The following SGCZ variants were observed in gnomAD, a reference collection of about 807,000 sequenced individuals.
SGCZ encodes the protein sarcoglycan zeta.
SGCZ carries 40 observed loss-of-function variants against 41.3 expected under a neutral mutation model. The ratio of observed to expected loss-of-function variants is 0.97; its 90% CI spans 0.75 to 1.26. SGCZ has a LOEUF of 1.26. Ranked by LOEUF, SGCZ falls within the 50% of genes most tolerant of loss-of-function variation. SGCZ has a pLI of 0.00. For missense variants in SGCZ, 552 were observed against 369.8 expected (o/e 1.49, Z -4.04); for synonymous variants, 206 against 137.5 (o/e 1.50, Z -3.49).
intron 7 of SGCZ, among the ~76,000 whole-genome samples, chr8:14,100,038 C>T (rs1322807647): frequency 6.6e-6 from 1 of 151,990 alleles, no homozygotes; most frequent in Admixed American, 6.6e-5. Context: ...CTTTATATCC[C>T]TCTATATTGT....
chr8:14,868,958 A>G (rs1169566445), intron 1 of SGCZ, among the ~76,000 whole-genome samples: 1 of 152,108 alleles, frequency 6.6e-6, no homozygotes, highest in African/African-American at 2.4e-5. Context: ...TAACTTACCA[A>G]CCAAAAAAAG....
chr8:14,175,158 T>G (rs948983553), intron 4 of SGCZ, among the ~76,000 whole-genome samples: 2 of 152,122 alleles, frequency 1.3e-5, no homozygotes, highest in Admixed American at 1.3e-4. Flanking sequence ...AAAAAAATTT[T>G]TAAATGCCAA....
intron 1 of SGCZ, among the ~76,000 whole-genome samples, chr8:15,201,478 T>A (rs1014090494): frequency 2.0e-5 from 3 of 152,212 alleles, no homozygotes; most frequent in African/African-American, 7.2e-5. Flanking sequence ...GGTAAAGAGC[T>A]ACTCTTGGAG....
chr8:14,280,703 G>C (rs1240467262), intron 3 of SGCZ, among the ~76,000 whole-genome samples: 1 of 151,266 alleles, frequency 6.6e-6, no homozygotes, highest in African/African-American at 2.4e-5. Flanking sequence ...AATAATTTTT[G>C]GAAAATTGAC....
chr8:14,972,558 A>G (rs1297600037), intron 1 of SGCZ, among the ~76,000 whole-genome samples: 1 of 152,040 alleles, frequency 6.6e-6, no homozygotes, highest in Non-Finnish European at 1.5e-5. Context: ...TTTGTTTTCT[A>G]TTTGTTCTCT....
chr8:15,129,713 A>AC (rs577166602), intron 1 of SGCZ, among the ~76,000 whole-genome samples: 17 of 151,410 alleles, frequency 1.1e-4, no homozygotes, highest in South Asian at 6.3e-4. Flanking sequence ...TTTGCAAAAA[A>AC]AAAAAAAAAA....
At chr8:14,245,664 C>T (rs1289592762) in intron 3 of SGCZ, among the ~76,000 whole-genome samples, 1 of 151,898 alleles carries the variant, frequency 6.6e-6, no homozygotes, top group Non-Finnish European at 1.5e-5. Context: ...AGGCAATACA[C>T]AAAACGGGAG....
chr8:14,713,506 T>C (rs950241354), intron 1 of SGCZ, among the ~76,000 whole-genome samples: 1 of 152,146 alleles, frequency 6.6e-6, no homozygotes. Flanking sequence ...ACTGACCAAC[T>C]GACTCACACT....
intron 1 of SGCZ, among the ~76,000 whole-genome samples, chr8:15,210,115 CACAAA>C (rs1054469984): frequency 6.6e-6 from 1 of 152,118 alleles, no homozygotes; most frequent in African/African-American, 2.4e-5. Flanking sequence ...TCTTTGGAAT[CACAAA>C]ACAAAAGGAC....
At chr8:14,411,389 C>T (rs911337522) in intron 2 of SGCZ, among the ~76,000 whole-genome samples, 1 of 152,052 alleles carries the variant, frequency 6.6e-6, no homozygotes, top group East Asian at 1.9e-4. Context: ...TATGGAAATT[C>T]TTAAGGTCAT....
At chr8:14,849,352 T>C (rs1197419258) in intron 1 of SGCZ, among the ~76,000 whole-genome samples, 2 of 152,208 alleles carry the variant, frequency 1.3e-5, no homozygotes, top group East Asian at 1.9e-4. Context: ...AAAAAAATAA[T>C]TGTATCTCAA....
chr8:14,891,725 CTT>C (rs1199231054), intron 1 of SGCZ, among the ~76,000 whole-genome samples: 2 of 152,258 alleles, frequency 1.3e-5, no homozygotes, highest in Non-Finnish European at 2.9e-5. Flanking sequence ...ACAGAGAAAT[CTT>C]TGGTAAAAGG....
At chr8:14,270,342 T>C (rs571652112) in intron 3 of SGCZ, among the ~76,000 whole-genome samples, 1 of 151,678 alleles carries the variant, frequency 6.6e-6, no homozygotes. Context: ...AAAAAAAAAA[T>C]TAATTAAAAA....
intron 1 of SGCZ, among the ~76,000 whole-genome samples, chr8:15,126,046 C>A (rs909998189): frequency 1.3e-5 from 2 of 151,994 alleles, no homozygotes; most frequent in Non-Finnish European, 2.9e-5. Flanking sequence ...CTCGGGAGGC[C>A]AAGGCAGGAA....
intron 1 of SGCZ, among the ~76,000 whole-genome samples, chr8:14,870,364 TG>T (rs1804104435): frequency 6.6e-6 from 1 of 152,120 alleles, no homozygotes; most frequent in African/African-American, 2.4e-5. Context: ...TAAATGTGGT[TG>T]GGAAAACTGG....
At chr8:14,092,346 T>G (rs1801711932) in intron 7 of SGCZ, among the ~76,000 whole-genome samples, 1 of 152,094 alleles carries the variant, frequency 6.6e-6, no homozygotes, top group African/African-American at 2.4e-5. Flanking sequence ...TTTTTCCAGT[T>G]GTGTGAAGAA....
intron 5 of SGCZ, among the ~76,000 whole-genome samples, chr8:14,162,119 A>G (rs1804065765): frequency 6.6e-6 from 1 of 152,210 alleles, no homozygotes; most frequent in Non-Finnish European, 1.5e-5. Flanking sequence ...GCTACTAAGC[A>G]AAAGCAGAAA....
intron 1 of SGCZ, among the ~76,000 whole-genome samples, chr8:15,013,183 G>C (rs566609957): frequency 6.6e-6 from 1 of 152,206 alleles, no homozygotes; most frequent in African/African-American, 2.4e-5. Context: ...TTGATGTACA[G>C]ATATATATCC....
At chr8:14,657,353 T>C (rs936667822) in intron 1 of SGCZ, among the ~76,000 whole-genome samples, 7 of 152,076 alleles carry the variant, frequency 4.6e-5, no homozygotes, top group African/African-American at 1.7e-4. Context: ...ACATTAAATA[T>C]TACAACTTTA....
Sources: allele counts gnomAD v4.1 joint callset (sites outside exome capture counted in the v4.1 genomes callset), GRCh38; gene constraint gnomAD v4.1.1; transcripts MANE v1.5; gene names NCBI Gene and HGNC (gene_info 2026-07-23, HGNC 2026-07-21).